Variants in STK3 observed in about 807,000 individuals in gnomAD.
STK3 encodes the protein serine/threonine-protein kinase 3.
Under a neutral mutation model 58.0 loss-of-function variants are expected in STK3, and 41 were observed. That is an observed-to-expected ratio of 0.71 (90% CI 0.55 to 0.92). The LOEUF (loss-of-function observed/expected upper bound fraction) is 0.92, where lower values mean the gene tolerates loss of function less well. Ranked by LOEUF, STK3 falls within the 40% of genes least tolerant of loss-of-function variation. The pLI is 0.00. For synonymous variants in STK3, 170 were observed against 191.0 expected (o/e 0.89, Z 0.91); for missense variants, 479 against 602.7 (o/e 0.79, Z 2.15).
At chr8:98,663,629 T>C (rs993793251) in intron 6 of STK3, among the ~76,000 whole-genome samples, 16 of 152,204 alleles carry the variant, frequency 1.1e-4, no homozygotes, top group Admixed American at 9.2e-4. Flanking sequence ...CCCAAATGTC[T>C]AAAAATGATA....
downstream of STK3, among the ~76,000 whole-genome samples, chr8:98,368,453 C>G (rs987890827): frequency 1.3e-5 from 2 of 152,142 alleles, no homozygotes; most frequent in Admixed American, 1.3e-4. Flanking sequence ...AGAAGCAGTT[C>G]ATTATAGGAT....
chr8:98,837,002 C>T (rs561089211), intron 3 of STK3, among the ~76,000 whole-genome samples: 6 of 152,078 alleles, frequency 3.9e-5, no homozygotes, highest in Non-Finnish European at 8.8e-5. Flanking sequence ...TGGAAAACTC[C>T]ATCATACACT....
chr8:98,606,097 G>A (rs895405571), intron 6 of STK3: 8 of 152,268 alleles, frequency 5.3e-5, no homozygotes, highest in Non-Finnish European at 1.0e-4. Flanking sequence ...GTGTGGTGGT[G>A]GGTGCCTGTA....
intron 10 of STK3, among the ~76,000 whole-genome samples, chr8:98,485,648 G>A (rs904740459): frequency 3.9e-5 from 6 of 152,136 alleles, no homozygotes; most frequent in Admixed American, 3.3e-4. Flanking sequence ...AGCACAGAAA[G>A]GCACAAGGAA....
At chr8:98,848,192 T>A (rs914866506) in intron 3 of STK3, among the ~76,000 whole-genome samples, 1 of 152,038 alleles carries the variant, frequency 6.6e-6, no homozygotes, top group Admixed American at 6.6e-5. Context: ...AACCTAGCAC[T>A]CACCTCTCAA....
At chr8:98,841,078 C>T (rs1285706906) in intron 3 of STK3, among the ~76,000 whole-genome samples, 1 of 152,214 alleles carries the variant, frequency 6.6e-6, no homozygotes, top group Non-Finnish European at 1.5e-5. Flanking sequence ...TAGAGGCTGG[C>T]TTCATCCAAG....
At chr8:98,618,273 C>G (rs992267530) in intron 6 of STK3, among the ~76,000 whole-genome samples, 15 of 148,172 alleles carry the variant, frequency 1.0e-4, no homozygotes, top group Admixed American at 1.0e-3. Context: ...ACCCTTCATG[C>G]TAAAAACTCT....
intron 7 of STK3, among the ~76,000 whole-genome samples, chr8:98,588,021 C>T (rs1421770668): frequency 1.3e-5 from 2 of 152,282 alleles, no homozygotes; most frequent in Admixed American, 6.5e-5. Context: ...TTCCTCAATA[C>T]AGCACACTGA....
chr8:98,429,157 C>T (rs1818292843), intron 3 of STK3: 1 of 1,613,598 alleles, frequency 6.2e-7, no homozygotes, highest in Non-Finnish European at 8.5e-7. Flanking sequence ...ACTGCCTCTG[C>T]CTGCATCTTG....
rs73272077 is a variant in STK3 at position 98,381,282 on chromosome 8, T to A, written n.57-2075A>T. ...CACCACATGTGGTCTATTGTGTGTA[T>A]TTTAATTTTACCATTTTGTTGACCC... is the stretch of plus-strand genomic sequence containing the variant. On this transcript the variant is annotated intron_variant and non_coding_transcript_variant, in intron 1 of 2. Transcript: ENST00000518704. Among the ~76,000 whole-genome samples the A allele has an allele frequency of 9.3e-3, 1,414 of 152,260 alleles. 20 individuals carry two copies. Among genetic ancestry groups the A allele is most frequent in the African/African-American group, 0.032 (1,338 of 41,534 alleles).
chr8:98,559,890 A>G (rs1438793541), intron 8 of STK3, among the ~76,000 whole-genome samples: 1 of 152,104 alleles, frequency 6.6e-6, no homozygotes, highest in Non-Finnish European at 1.5e-5. Context: ...TTGAATGAGG[A>G]AAAAGGGCCC....
At chr8:98,418,688 A>G (rs1052868915) in intron 3 of STK3, among the ~76,000 whole-genome samples, 1 of 152,144 alleles carries the variant, frequency 6.6e-6, no homozygotes, top group Non-Finnish European at 1.5e-5. Flanking sequence ...ATTTCTCACA[A>G]CTTCCCAGCC....
chr8:98,700,446 C>A (rs1014104653), intron 6 of STK3, among the ~76,000 whole-genome samples: 1 of 152,196 alleles, frequency 6.6e-6, no homozygotes, highest in South Asian at 2.1e-4. Flanking sequence ...AGAAATCACC[C>A]GTCTTCTGCG....
intron 6 of STK3, among the ~76,000 whole-genome samples, chr8:98,695,618 G>C (rs920406459): frequency 6.6e-6 from 1 of 152,176 alleles, no homozygotes; most frequent in African/African-American, 2.4e-5. Context: ...TTTCCCCATT[G>C]CTTGTTTTTC....
intron 4 of STK3, among the ~76,000 whole-genome samples, chr8:98,741,247 A>C (rs1453166010): frequency 1.3e-5 from 2 of 152,234 alleles, no homozygotes; most frequent in Non-Finnish European, 2.9e-5. Flanking sequence ...AAGTGGACCT[A>C]ATAGACATCT....
At chr8:98,566,593 A>G (rs1235608281) in intron 8 of STK3, among the ~76,000 whole-genome samples, 1 of 152,126 alleles carries the variant, frequency 6.6e-6, no homozygotes, top group Non-Finnish European at 1.5e-5. Context: ...TACATTATCT[A>G]AAAAGTTAGT....
chr8:98,802,463 T>C (rs958904627), intron 1 of STK3, among the ~76,000 whole-genome samples: 1 of 152,156 alleles, frequency 6.6e-6, no homozygotes, highest in Non-Finnish European at 1.5e-5. Flanking sequence ...GCAGTATATA[T>C]AGGGGAATAT....
chr8:98,447,857 C>T (rs1819024196), intron 1 of STK3, among the ~76,000 whole-genome samples: 1 of 148,768 alleles, frequency 6.7e-6, no homozygotes, highest in South Asian at 2.1e-4. Flanking sequence ...AAAAAACTAG[C>T]AACCCATTAG....
intron 4 of STK3, among the ~76,000 whole-genome samples, chr8:98,742,091 A>G (rs1388597626): frequency 2.6e-5 from 4 of 152,036 alleles, no homozygotes; most frequent in Non-Finnish European, 5.9e-5. Context: ...AATAATCAAT[A>G]GCTTACCAAC....
Sources: allele counts gnomAD v4.1 joint callset (sites outside exome capture counted in the v4.1 genomes callset), GRCh38; gene constraint gnomAD v4.1.1; transcripts MANE v1.5; gene names NCBI Gene and HGNC (gene_info 2026-07-23, HGNC 2026-07-21).